The following SAP30L variants were observed in gnomAD, a reference collection of about 807,000 sequenced individuals.
SAP30L encodes the protein histone deacetylase complex subunit SAP30L.
SAP30L carries 10 observed loss-of-function variants against 22.3 expected under a neutral mutation model. The observed-to-expected ratio is 0.45, with a 90% CI of 0.28 to 0.76. The LOEUF (loss-of-function observed/expected upper bound fraction) is 0.76. SAP30L is among the 30% of genes least tolerant of loss of function. The pLI, the probability that SAP30L is intolerant of heterozygous loss-of-function variation, is 0.14. For synonymous variants in SAP30L, 91 were observed against 94.1 expected (o/e 0.97, Z 0.19); for missense variants, 206 against 237.9 (o/e 0.87, Z 0.88).
Position 154,460,788 on chromosome 5 carries a change from T to C in SAP30L, c.*4760T>C, listed in dbSNP as rs1242655112. ...TCAGAGTATATTTTGGGGTACAAGG[T>C]TTTGGGGGTTTTTTTTCCCATTTTG... On this transcript the variant is annotated 3_prime_UTR_variant, in exon 4 of 4. Coordinates refer to ENST00000297109, the MANE Select transcript of SAP30L (RefSeq NM_024632.6). 1 of 152,148 alleles carries C rather than the reference T, an allele frequency of 6.6e-6. No homozygotes were observed. The highest frequency in any genetic ancestry group is 1.5e-5 in the Non-Finnish European group (1 of 68,032). 9.4% of individuals were successfully genotyped at this position (152,148 alleles called of 1,614,324 possible).
chr5:154,446,463 CG>C lies in SAP30L; in HGVS notation c.-138del. The C allele has an allele frequency of 1.6e-6, 1 of 621,478 alleles. No homozygotes were observed. Among genetic ancestry groups the C allele is most frequent in the South Asian group, 4.3e-5 (1 of 23,132 alleles). 38.5% of individuals were successfully genotyped at this position (621,478 alleles called of 1,614,324 possible). A position where few individuals can be genotyped will look rare whatever the true frequency, so the allele number is the denominator to read the frequency against. Reference sequence around the variant, plus strand: ...CCGAGGGAGCCGGGCCTCTCGGACGCGGGGCAGGGCAGCGCCCGGGCTGGAG... The same window carrying C: ...CCGAGGGAGCCGGGCCTCTCGGACGCGGGCAGGGCAGCGCCCGGGCTGGAG... On this transcript the variant is annotated 5_prime_UTR_variant, in exon 1 of 4. Transcript: ENST00000297109.
At position 154,455,884 on chromosome 5, in the gene SAP30L, T is replaced by C; in HGVS notation, c.424-16T>C. 6.3e-7 allele frequency: 1 copy of C among 1,599,192 alleles called. No homozygotes were observed. Among genetic ancestry groups the C allele is most frequent in the South Asian group, 1.1e-5 (1 of 88,444 alleles). ...GTGCATGGTTTAAGGAACTTTGGTATTTTCCCCCCACATAGACTGTGAGTC... is the reference window on the plus strand; with the variant it reads ...GTGCATGGTTTAAGGAACTTTGGTACTTTCCCCCCACATAGACTGTGAGTC... On this transcript the variant is annotated splice_polypyrimidine_tract_variant and intron_variant, in intron 3 of 3. Coordinates refer to ENST00000297109, the MANE Select transcript of SAP30L (RefSeq NM_024632.6).
chr5:154,453,526 A>G, intron 3 of SAP30L, 26 bp downstream of exon 3: 1 of 1,456,010 alleles, frequency 6.9e-7, no homozygotes, highest in Non-Finnish European at 9.7e-7. Context: ...TGCCCTCTAA[A>G]GAGAGCCAGC....
At chr5:154,453,170 T>A (rs866016347) in intron 2 of SAP30L, 3 of 454,788 alleles carry the variant, frequency 6.6e-6, no homozygotes, top group South Asian at 3.6e-5. Context: ...GCTTAAGCTT[T>A]ACCTTTTCCA....
Position 154,446,801 on chromosome 5 carries a change from A to T in SAP30L, c.197A>T (p.Lys66Met). 6.2e-7 allele frequency: 1 copy of T among 1,602,594 alleles called. No individual in the cohort carries two copies. Among genetic ancestry groups the T allele is most frequent in the Non-Finnish European group, 8.5e-7 (1 of 1,175,990 alleles). The change falls in exon 1 of 4, where the codon AAG becomes ATG. Residue 66 changes from lysine to methionine, a missense_variant. By Grantham distance (95) the Lys-to-Met change is moderately conservative (BLOSUM62 -1). Transcript: ENST00000297109. ...SQKKLKLDID[K>M]SVRHLYICDF... Reference sequence around the variant, plus strand: ...AAGAAACTCAAGCTGGACATCGACAAGAGCGTGAGTCCGCCCCCGCTCGCG... The same window carrying T: ...AAGAAACTCAAGCTGGACATCGACATGAGCGTGAGTCCGCCCCCGCTCGCG...
In SAP30L at chr5:154,453,511, A is replaced by T; in HGVS notation, c.423+11A>T. The T allele has an allele frequency of 6.3e-7, 1 of 1,576,794 alleles. No individual in the cohort carries two copies. The highest frequency in any genetic ancestry group is 8.7e-7 in the Non-Finnish European group (1 of 1,145,872). On this transcript the variant is annotated intron_variant, in intron 3 of 3. Coordinates refer to ENST00000297109, the MANE Select transcript of SAP30L (RefSeq NM_024632.6). ...GCCCAGTTAGCAGAAGTAGGTAGAC[A>T]AAATTGCCCTCTAAAGAGAGCCAGC...
chr5:154,457,437 C>T lies in SAP30L; in HGVS notation c.*1409C>T, dbSNP rs1390022670. On this transcript the variant is annotated 3_prime_UTR_variant, in exon 4 of 4. Coordinates refer to ENST00000297109, the MANE Select transcript of SAP30L (RefSeq NM_024632.6). ...TCAATTCTGAGTTAATTTCTTAAGCCTTAAATAATAAGAACAATGGACAGC... is the reference window on the plus strand; with the variant it reads ...TCAATTCTGAGTTAATTTCTTAAGCTTTAAATAATAAGAACAATGGACAGC... The T allele has an allele frequency of 2.0e-5, 3 of 152,164 alleles. No individual in the cohort carries two copies. Among genetic ancestry groups the T allele is most frequent in the Non-Finnish European group, 4.4e-5 (3 of 68,038 alleles). The allele number at this position is 152,164 out of a possible 1,614,324, so 9.4% of individuals were successfully genotyped here.
intron 3 of SAP30L, among the ~76,000 whole-genome samples, chr5:154,453,965 C>CCA (rs1046371515): frequency 6.6e-6 from 1 of 152,252 alleles, no homozygotes; most frequent in African/African-American, 2.4e-5. Context: ...GTAGCTAGGA[C>CCA]CACAGGTGCA....
intron 3 of SAP30L, among the ~76,000 whole-genome samples, chr5:154,453,836 G>GT (rs1413301843): frequency 6.6e-6 from 1 of 152,032 alleles, no homozygotes; most frequent in Non-Finnish European, 1.5e-5. Flanking sequence ...TCCTCTTTTT[G>GT]TTTTTTTGGA....
chr5:154,446,381 CG>C lies in SAP30L; in HGVS notation c.-223del. 2.5e-6 allele frequency: 1 copy of C among 399,162 alleles called. No individual in the cohort carries two copies. The highest frequency in any genetic ancestry group is 4.4e-6 in the Non-Finnish European group (1 of 227,638). The allele number at this position is 399,162 out of a possible 1,614,324, so 24.7% of individuals were successfully genotyped here. On this transcript the variant is annotated 5_prime_UTR_variant, in exon 1 of 4. Transcript: ENST00000297109. ...GCGGGGCCCTGCGAGCCGCGGGAGC[CG>C]ACCCCGGGGCCTCGAGCCGGGAGGA...
intron 1 of SAP30L, among the ~76,000 whole-genome samples, chr5:154,450,087 T>C (rs1293492605): frequency 6.6e-6 from 1 of 152,262 alleles, no homozygotes; most frequent in Non-Finnish European, 1.5e-5. Flanking sequence ...CTGCAGAACA[T>C]TTGTGCAACA....
At chr5:154,451,926 G>A (rs1023081346) in intron 2 of SAP30L, among the ~76,000 whole-genome samples, 3 of 152,086 alleles carry the variant, frequency 2.0e-5, no homozygotes, top group African/African-American at 4.8e-5. Flanking sequence ...AGACAAAATC[G>A]TCCTGTGTTG....
In SAP30L at chr5:154,451,199, A is replaced by G. The variant is rs768047479; in HGVS notation, c.310A>G (p.Thr104Ala). ...TGGCGGAGATTCTCCCGAGCACGAC[A>G]CTGACATTCCTGAGGTAAAGGTCAA... ...DDGGDSPEHD[T>A]DIPEVDLFQL... The change falls in exon 2 of 4, where the codon ACT becomes GCT. Residue 104 changes from threonine to alanine, a missense_variant. Thr to Ala is a moderately conservative substitution (Grantham distance 58). Coordinates refer to ENST00000297109, the MANE Select transcript of SAP30L (RefSeq NM_024632.6). 3 of 1,613,978 alleles carry G rather than the reference A, an allele frequency of 1.9e-6. No individual in the cohort carries two copies. Among genetic ancestry groups the G allele is most frequent in the Admixed American group, 1.7e-5 (1 of 59,920 alleles).
intron 1 of SAP30L, among the ~76,000 whole-genome samples, chr5:154,447,718 C>T (rs1261381508): frequency 1.3e-5 from 2 of 152,132 alleles, no homozygotes; most frequent in East Asian, 3.9e-4. Flanking sequence ...AGAATTTCTC[C>T]ACAGTTGGAG....
intron 1 of SAP30L, among the ~76,000 whole-genome samples, chr5:154,447,729 G>A (rs568725747): frequency 1.3e-5 from 2 of 152,276 alleles, no homozygotes; most frequent in African/African-American, 4.8e-5. Flanking sequence ...ACAGTTGGAG[G>A]AAATCAGAGA....
At position 154,456,071 on chromosome 5, in the gene SAP30L, C is replaced by T; in HGVS notation, c.*43C>T. On this transcript the variant is annotated 3_prime_UTR_variant, in exon 4 of 4. Transcript: ENST00000297109. ...AAGGAATGAAGTGTAATGCTTGATG[C>T]ACAGGTGATATCTACTACATTTAAG... 1 of 1,594,538 alleles carries T rather than the reference C, an allele frequency of 6.3e-7. No individual in the cohort carries two copies. Among genetic ancestry groups the T allele is most frequent in the Non-Finnish European group, 8.5e-7 (1 of 1,170,030 alleles).
Position 154,456,187 on chromosome 5 carries a change from G to C in SAP30L, c.*159G>C, listed in dbSNP as rs146268956. On this transcript the variant is annotated 3_prime_UTR_variant, in exon 4 of 4. Coordinates refer to ENST00000297109, the MANE Select transcript of SAP30L (RefSeq NM_024632.6). ...TTGGTCAGGAGGATTATATTCTCATGATTCAGCATGTGTATAGAAAGACTT... is the reference window on the plus strand; with the variant it reads ...TTGGTCAGGAGGATTATATTCTCATCATTCAGCATGTGTATAGAAAGACTT... 7.0e-4 allele frequency: 442 copies of C among 630,134 alleles called. 7 individuals carry two copies. The East Asian group carries it at 0.011, about 16-fold the overall frequency. 39.0% of individuals were successfully genotyped at this position (630,134 alleles called of 1,614,324 possible). A position where few individuals can be genotyped will look rare whatever the true frequency, so the allele number is the denominator to read the frequency against.
intron 1 of SAP30L, 48 bp downstream of exon 1, chr5:154,446,853 C>T (rs1198826618): frequency 3.3e-6 from 5 of 1,512,750 alleles, no homozygotes; most frequent in Non-Finnish European, 4.5e-6. Context: ...CCCAGCTCTC[C>T]GTCCGCTGCC....
chr5:154,455,991 T>G lies in SAP30L; in HGVS notation c.515T>G (p.Leu172Arg). ...ATGGTGAAGAGTAACAAGAGTAGAC[T>G]GGACCAGAAATCGGAGGGTGGCAAG... is the stretch of plus-strand genomic sequence containing the variant. ...IYMVKSNKSR[L>R]DQKSEGGKQL... Residue 172 changes from leucine (L) to arginine (R), a missense_variant, in exon 4 of 4, where the codon CTG becomes CGG. Leu to Arg is a moderately radical substitution (Grantham distance 102, BLOSUM62 -2). Coordinates refer to ENST00000297109, the MANE Select transcript of SAP30L (RefSeq NM_024632.6). The G allele has an allele frequency of 6.2e-7, 1 of 1,614,078 alleles. No individual in the cohort carries two copies. Among genetic ancestry groups the G allele is most frequent in the Non-Finnish European group, 8.5e-7 (1 of 1,180,006 alleles).
Sources: allele counts gnomAD v4.1 joint callset (sites outside exome capture counted in the v4.1 genomes callset), GRCh38; gene constraint gnomAD v4.1.1; transcripts MANE v1.5; gene names NCBI Gene and HGNC (gene_info 2026-07-23, HGNC 2026-07-21).